Variants in GRIK4 observed in about 807,000 individuals in gnomAD.
GRIK4 encodes glutamate receptor ionotropic, kainate 4.
In GRIK4, 40 loss-of-function variants were observed where a neutral mutation model predicts 104.9. That is an observed-to-expected ratio of 0.38 (90% CI 0.30 to 0.50). The LOEUF (loss-of-function observed/expected upper bound fraction) is 0.50, where lower values mean the gene tolerates loss of function less well. GRIK4 is among the 20% of genes least tolerant of loss of function. The probability of loss-of-function intolerance (pLI) is 0.93; values close to 1 mark genes in which losing one functional copy is unlikely to be tolerated. For synonymous variants in GRIK4, 485 were observed against 524.9 expected, an observed-to-expected ratio of 0.92 and a Z score of 1.04; for missense variants, 1,047 against 1,308.1, an observed-to-expected ratio of 0.80 and a Z score of 3.08.
chr11:120,922,495 T>A (rs1027057654), intron 13 of GRIK4, among the ~76,000 whole-genome samples: 3 of 152,218 alleles, frequency 2.0e-5, no homozygotes, highest in African/African-American at 7.2e-5. Context: ...ATTCCAAATG[T>A]GGCACCTCCT....
At chr11:120,608,822 T>A (rs1384288260) in intron 1 of GRIK4, among the ~76,000 whole-genome samples, 7 of 151,836 alleles carry the variant, frequency 4.6e-5, no homozygotes, top group Admixed American at 4.6e-4. Flanking sequence ...TGACCTTGGA[T>A]GCTCCTTCTT....
At chr11:120,980,792 A>T (rs1286958903) in intron 19 of GRIK4, among the ~76,000 whole-genome samples, 1 of 152,160 alleles carries the variant, frequency 6.6e-6, no homozygotes, top group East Asian at 1.9e-4. Context: ...GAGTCCTCAG[A>T]GTCGTTCCAA....
chr11:120,534,992 A>T (rs1195012023), intron 1 of GRIK4, among the ~76,000 whole-genome samples: 1 of 152,150 alleles, frequency 6.6e-6, no homozygotes, highest in Non-Finnish European at 1.5e-5. Flanking sequence ...TGGTTGCCCT[A>T]GGAGAGTTTA....
chr11:120,572,784 A>G (rs780702491), intron 1 of GRIK4, among the ~76,000 whole-genome samples: 1 of 152,188 alleles, frequency 6.6e-6, no homozygotes, highest in Non-Finnish European at 1.5e-5. Context: ...AGGGAACAGC[A>G]CTGATGGATT....
At chr11:120,765,716 C>T (rs1039432451) in intron 3 of GRIK4, among the ~76,000 whole-genome samples, 3 of 152,192 alleles carry the variant, frequency 2.0e-5, no homozygotes, top group African/African-American at 7.2e-5. Context: ...ACAGTCAGGC[C>T]TCTCTTCTGC....
At chr11:120,627,329 A>C (rs1949273601) in intron 1 of GRIK4, among the ~76,000 whole-genome samples, 1 of 152,248 alleles carries the variant, frequency 6.6e-6, no homozygotes, top group South Asian at 2.1e-4. Context: ...CCAAAGGAGA[A>C]GCCACACAGC....
intron 3 of GRIK4, among the ~76,000 whole-genome samples, chr11:120,687,315 T>G (rs1000954733): frequency 2.0e-5 from 3 of 152,224 alleles, no homozygotes; most frequent in African/African-American, 7.2e-5. Flanking sequence ...TTTACCATAC[T>G]GCTTTAATGA....
intron 8 of GRIK4, among the ~76,000 whole-genome samples, chr11:120,843,384 A>G (rs556677257): frequency 6.6e-6 from 1 of 152,378 alleles, no homozygotes; most frequent in East Asian, 1.9e-4. Context: ...TGGGTATGCC[A>G]TGTTAGAAGA....
At chr11:120,760,010 ACAC>A (rs1243075658) in intron 3 of GRIK4, among the ~76,000 whole-genome samples, 1 of 151,942 alleles carries the variant, frequency 6.6e-6, no homozygotes, top group Admixed American at 6.6e-5. Context: ...CTCTAATATA[ACAC>A]ACTTTATATT....
At chr11:120,650,730 C>T (rs897734254) in intron 1 of GRIK4, among the ~76,000 whole-genome samples, 2 of 152,206 alleles carry the variant, frequency 1.3e-5, no homozygotes, top group African/African-American at 4.8e-5. Context: ...AGTAGACACT[C>T]AGTAGTATTC....
chr11:120,595,478 A>G (rs1040319086), intron 1 of GRIK4, among the ~76,000 whole-genome samples: 2 of 152,214 alleles, frequency 1.3e-5, no homozygotes, highest in Non-Finnish European at 1.5e-5. Flanking sequence ...TACAAGGTGC[A>G]TGGCAGAGGG....
chr11:120,842,286 C>T (rs1953737770), intron 8 of GRIK4, among the ~76,000 whole-genome samples: 2 of 152,164 alleles, frequency 1.3e-5, no homozygotes, highest in African/African-American at 2.4e-5. Flanking sequence ...AATGTGTCCT[C>T]TTAGAGACCA....
At chr11:120,866,323 C>T (rs895966039) in intron 9 of GRIK4, among the ~76,000 whole-genome samples, 1 of 152,104 alleles carries the variant, frequency 6.6e-6, no homozygotes, top group Non-Finnish European at 1.5e-5. Context: ...CTGCAGAGGT[C>T]GGGGAAGGCT....
chr11:120,645,297 G>T (rs1209473566), intron 1 of GRIK4, among the ~76,000 whole-genome samples: 1 of 152,194 alleles, frequency 6.6e-6, no homozygotes, highest in Non-Finnish European at 1.5e-5. Flanking sequence ...GCGGTTCCCA[G>T]CCTGTGCCGG....
rs946616595 is a variant in GRIK4 at position 120,956,712 on chromosome 11, G to C, written c.1701-68G>C. The C allele has an allele frequency of 1.3e-5, 16 of 1,246,812 alleles. No individual in the cohort carries two copies. Among genetic ancestry groups the C allele is most frequent in the Middle Eastern group, 2.0e-4 (1 of 4,962 alleles). 77.2% of individuals were successfully genotyped at this position (1,246,812 alleles called of 1,614,324 possible). On this transcript the variant is annotated intron_variant, in intron 15 of 20. Coordinates refer to ENST00000527524, the MANE Select transcript of GRIK4 (RefSeq NM_014619.5). The surrounding 1 kb of genome is among the most constrained non-coding windows in gnomAD (Gnocchi z 4.6). ...CGGTCTCAGAGGTGAGACCAGCCAG[G>C]AGAGCCTGCCTGTGTCCCTTCACAC...
In GRIK4 at chr11:120,910,523, C is replaced by T. The variant is rs754508580; in HGVS notation, c.1476+5030C>T. ...TGGTCAGCTCCTTTGCAGCTAAGCC[C>T]GCAGAAGGACTGAGTGGCAGTGATG... On this transcript the variant is annotated intron_variant, in intron 13 of 20. Transcript: ENST00000527524. 6.6e-5 allele frequency among the ~76,000 whole-genome samples: 10 copies of T among 152,242 alleles called. No individual in the cohort carries two copies. The East Asian group carries it at 1.5e-3, about 24-fold the overall frequency.
At chr11:120,841,560 A>T (rs935986069) in intron 8 of GRIK4, among the ~76,000 whole-genome samples, 8 of 152,296 alleles carry the variant, frequency 5.3e-5, no homozygotes, top group African/African-American at 1.9e-4. Context: ...TATTGTGAAT[A>T]ATGCTGGCAT....
chr11:120,815,906 A>G (rs1346382005), intron 5 of GRIK4, among the ~76,000 whole-genome samples: 3 of 152,338 alleles, frequency 2.0e-5, no homozygotes, highest in Admixed American at 6.5e-5. Context: ...CGGGGAAGGC[A>G]TTGCCACATT....
At chr11:120,861,896 AG>A in intron 8 of GRIK4, 62 bp from the exon 9 acceptor site, 1 of 1,267,174 alleles carries the variant, frequency 7.9e-7, no homozygotes, top group South Asian at 1.3e-5. Context: ...GCTTTACCAA[AG>A]TCCATCCCTC....
Sources: gnomAD v4.1 joint callset for allele counts (sites outside exome capture counted in the v4.1 genomes callset) on GRCh38, gnomAD v4.1.1 for gene constraint, Gnocchi (gnomAD v3.1) non-coding constraint, MANE v1.5 for transcripts, NCBI Gene and HGNC (gene_info 2026-07-23, HGNC 2026-07-21) for gene names.